Variants in PIEZO2 observed in about 807,000 individuals in gnomAD.
PIEZO2 encodes the protein piezo-type mechanosensitive ion channel component 2.
Under a neutral mutation model 337.3 loss-of-function variants are expected in PIEZO2, and 172 were observed. The observed-to-expected ratio is 0.51, with a 90% CI of 0.45 to 0.58. The LOEUF (loss-of-function observed/expected upper bound fraction) is 0.58, where lower values mean the gene tolerates loss of function less well. PIEZO2 is among the 20% of genes least tolerant of loss of function. PIEZO2 has a pLI of 0.00. For missense variants in PIEZO2, 3,028 were observed against 3,391.3 expected (o/e 0.89, Z 2.66); for synonymous variants, 1,251 against 1,228.5 (o/e 1.02, Z -0.38).
At chr18:10,734,309 G>A (rs1379883189) in intron 35 of PIEZO2, among the ~76,000 whole-genome samples, 1 of 152,166 alleles carries the variant, frequency 6.6e-6, no homozygotes, top group Non-Finnish European at 1.5e-5. Flanking sequence ...AAGGAACCTG[G>A]AGGTGTGGAT....
rs1489232014 is a variant in PIEZO2, at chr18:10,731,451, G to C, written c.4985C>G (p.Ser1662Cys). The C allele has an allele frequency of 6.5e-7, 1 of 1,535,730 alleles. No individual in the cohort carries two copies. The highest frequency in any genetic ancestry group is 8.7e-7 in the Non-Finnish European group (1 of 1,146,310). The change falls in exon 36 of 56, where the codon TCT becomes TGT. Residue 1662 changes from serine to cysteine, a missense_variant. Coordinates refer to ENST00000674853, the MANE Select transcript of PIEZO2 (RefSeq NM_001378183.1). ...CCTTCGTTTCCGTTCTTCTCTTGCAGACCTTTTTTTCTCTTTGTGTCTTTG... is the reference window on the plus strand; with the variant it reads ...CCTTCGTTTCCGTTCTTCTCTTGCACACCTTTTTTTCTCTTTGTGTCTTTG... ...LRQRHKEKKR[S>C]AREERKRRRK... is the part of the protein sequence containing the mutation.
At chr18:10,886,380 G>GTATATATATA (rs1173330460) in intron 4 of PIEZO2, among the ~76,000 whole-genome samples, 12 of 3,034 alleles carry the variant, frequency 4.0e-3, no homozygotes, top group Middle Eastern at 0.5. Context: ...GTGTGTGTGT[G>GTATATATATA]TATATATATA....
intron 1 of PIEZO2, among the ~76,000 whole-genome samples, chr18:11,107,937 T>G (rs1029739276): frequency 6.6e-5 from 10 of 152,336 alleles, no homozygotes; most frequent in African/African-American, 2.4e-4. Context: ...ATATTCTTTA[T>G]ATTCACTGGT....
At chr18:11,011,361 T>C (rs2035894059) in intron 2 of PIEZO2, among the ~76,000 whole-genome samples, 1 of 152,220 alleles carries the variant, frequency 6.6e-6, no homozygotes, top group Non-Finnish European at 1.5e-5. Flanking sequence ...AGTCTCTCTT[T>C]GTAATTAAAA....
intron 2 of PIEZO2, among the ~76,000 whole-genome samples, chr18:11,008,964 G>C (rs1278101247): frequency 6.6e-6 from 1 of 152,126 alleles, no homozygotes; most frequent in Non-Finnish European, 1.5e-5. Flanking sequence ...AATTCAATAG[G>C]GGAAACAGAC....
chr18:11,062,083 A>G (rs887924384), intron 2 of PIEZO2, among the ~76,000 whole-genome samples: 34 of 152,196 alleles, frequency 2.2e-4, no homozygotes, highest in African/African-American at 7.7e-4. Flanking sequence ...GGAACAGAAC[A>G]GAGCCCTCAG....
At chr18:11,089,822 C>T (rs1017018539) in intron 1 of PIEZO2, among the ~76,000 whole-genome samples, 3 of 152,238 alleles carry the variant, frequency 2.0e-5, no homozygotes, top group African/African-American at 7.2e-5. Context: ...CCTCTTCCAG[C>T]TCTGTCCAAC....
chr18:10,956,303 A>G (rs1379177256), intron 3 of PIEZO2, among the ~76,000 whole-genome samples: 1 of 152,234 alleles, frequency 6.6e-6, no homozygotes, highest in East Asian at 1.9e-4. Context: ...GTATCAAAAA[A>G]TACTTAGGAA....
At chr18:10,936,510 C>T (rs535719266) in intron 3 of PIEZO2, among the ~76,000 whole-genome samples, 1 of 152,168 alleles carries the variant, frequency 6.6e-6, no homozygotes, top group Admixed American at 6.5e-5. Context: ...CCAGGGCTAC[C>T]GATGCGAAAA....
rs1242162648 is a variant in PIEZO2 at position 11,128,241 on chromosome 18, A to G, written c.64+20284T>C. 6.6e-6 allele frequency among the ~76,000 whole-genome samples: 1 copy of G among 152,184 alleles called. No homozygotes were observed. The highest frequency in any genetic ancestry group is 1.5e-5 in the Non-Finnish European group (1 of 68,042). ...AGGGATTCTGTCTCCAGGCTTCAGA[A>G]GCACATACTGAGCCTCAAATCTGCT... On this transcript the variant is annotated intron_variant, in intron 1 of 55. Transcript: ENST00000674853. This position sits in a 1 kb window ranked among gnomAD's most constrained non-coding sequence, Gnocchi z 4.1.
chr18:11,089,056 A>C (rs1340471853), intron 1 of PIEZO2, among the ~76,000 whole-genome samples: 1 of 152,138 alleles, frequency 6.6e-6, no homozygotes, highest in Non-Finnish European at 1.5e-5. Flanking sequence ...TAGGGTTCGT[A>C]TGTGCATGTG....
At chr18:10,913,625 G>A (rs1356981940) in intron 3 of PIEZO2, among the ~76,000 whole-genome samples, 1 of 151,806 alleles carries the variant, frequency 6.6e-6, no homozygotes, top group Non-Finnish European at 1.5e-5. Context: ...ATACTATATT[G>A]TTAGGCTTTT....
intron 7 of PIEZO2, among the ~76,000 whole-genome samples, chr18:10,849,986 A>C (rs1047112021): frequency 6.6e-6 from 1 of 152,184 alleles, no homozygotes; most frequent in Admixed American, 6.5e-5. Flanking sequence ...TTTTGCAGTT[A>C]TTGTTATAAT....
intron 2 of PIEZO2, among the ~76,000 whole-genome samples, chr18:11,058,321 TG>T (rs2037803415): frequency 6.6e-6 from 1 of 151,898 alleles, no homozygotes; most frequent in Admixed American, 6.6e-5. Flanking sequence ...ACCACAAAGT[TG>T]GGGAAAAAAC....
In PIEZO2 at chr18:10,677,655, G is replaced by A; in HGVS notation, c.8081+92C>T. ...CTTTGTGTTACCAAAGAATGAAGTT[G>A]CATTCCTCATACACATGAATCTGTA... is the stretch of plus-strand genomic sequence containing the variant. On this transcript the variant is annotated intron_variant, in intron 53 of 55. Coordinates refer to ENST00000674853, the MANE Select transcript of PIEZO2 (RefSeq NM_001378183.1). The surrounding 1 kb of genome is among the most constrained non-coding windows in gnomAD (Gnocchi z 4.1). 3 of 1,400,076 alleles carry A rather than the reference G, an allele frequency of 2.1e-6. No homozygotes were observed. In the East Asian group the frequency reaches 7.1e-5, roughly 33 times the overall value. 86.7% of individuals were successfully genotyped at this position (1,400,076 alleles called of 1,614,324 possible). A position where few individuals can be genotyped will look rare whatever the true frequency, so the allele number is the denominator to read the frequency against.
rs1762275268 is a variant in PIEZO2, at chr18:10,713,944, G to C, written c.5423+820C>G. Among the ~76,000 whole-genome samples the C allele has an allele frequency of 6.6e-6, 1 of 152,134 alleles. No individual in the cohort carries two copies. Among genetic ancestry groups the C allele is most frequent in the Non-Finnish European group, 1.5e-5 (1 of 68,020 alleles). On this transcript the variant is annotated intron_variant, in intron 39 of 55. Transcript: ENST00000674853. The surrounding 1 kb of genome is among the most constrained non-coding windows in gnomAD (Gnocchi z 4.5). ...ACACTGTGATGCAAAGAATTCTGAGGCTTTTCTGGGACAGGCAGTAAGTTG... is the reference window on the plus strand; with the variant it reads ...ACACTGTGATGCAAAGAATTCTGAGCCTTTTCTGGGACAGGCAGTAAGTTG...
At chr18:11,056,227 G>A (rs2037729574) in intron 2 of PIEZO2, among the ~76,000 whole-genome samples, 1 of 152,126 alleles carries the variant, frequency 6.6e-6, no homozygotes, top group Non-Finnish European at 1.5e-5. Context: ...CCCCTGGCCG[G>A]GGAAGAGAAG....
In PIEZO2 at chr18:10,718,210, G is replaced by A. The variant is rs145377879; in HGVS notation, c.5079C>T (p.Ser1693=). 26 of 1,536,594 alleles carry A rather than the reference G, an allele frequency of 1.7e-5. No individual in the cohort carries two copies. The highest frequency in any genetic ancestry group is 1.7e-4 in the Middle Eastern group (1 of 5,990). ...TCTTTATTTTGTTACCTGGTCCATC[G>A]GATTTCTTTTTGATTGGTTCATCCT... ...DREDEPIKKK[S]DGPDNIIKRI... is the part of the protein sequence containing the mutation. The change falls in exon 37 of 56, where the codon TCC becomes TCT. Residue 1693 remains serine (S), a synonymous_variant. Transcript: ENST00000674853.
chr18:10,794,564 A>G lies in PIEZO2; in HGVS notation c.1758+208T>C, dbSNP rs1197001359. ...GAAAACATTGTCATTCCTAAGTAAA[A>G]GCTAAATCATGGTGTAATATATGTT... On this transcript the variant is annotated intron_variant, in intron 13 of 55. Coordinates refer to ENST00000674853, the MANE Select transcript of PIEZO2 (RefSeq NM_001378183.1). This position sits in a 1 kb window ranked among gnomAD's most constrained non-coding sequence, Gnocchi z 6.6. Among the ~76,000 whole-genome samples, 3 of 152,242 alleles carry G rather than the reference A, an allele frequency of 2.0e-5. No individual in the cohort carries two copies. Among genetic ancestry groups the G allele is most frequent in the African/African-American group, 2.4e-5 (1 of 41,466 alleles).
Sources: allele counts gnomAD v4.1 joint callset (sites outside exome capture counted in the v4.1 genomes callset), GRCh38; gene constraint gnomAD v4.1.1; non-coding constraint Gnocchi (gnomAD v3.1); transcripts MANE v1.5; gene names NCBI Gene and HGNC (gene_info 2026-07-23, HGNC 2026-07-21).